The following ZNRF1 variants were observed in gnomAD, a reference collection of about 807,000 sequenced individuals.
ZNRF1 encodes the protein E3 ubiquitin-protein ligase ZNRF1.
A neutral mutation model predicts 18.4 loss-of-function variants in ZNRF1; 3 were observed. The observed-to-expected ratio is 0.16, with a 90% confidence interval of 0.07 to 0.42. The LOEUF (loss-of-function observed/expected upper bound fraction) is 0.42. Ranked by LOEUF, ZNRF1 falls within the 10% of genes least tolerant of loss-of-function variation. The pLI is 0.99. For synonymous variants in ZNRF1, 157 were observed against 144.2 expected (o/e 1.09, Z -0.64); for missense variants, 310 against 329.8 (o/e 0.94, Z 0.47).
intron 1 of ZNRF1, among the ~76,000 whole-genome samples, chr16:75,028,168 C>T (rs994047850): frequency 6.6e-6 from 1 of 152,216 alleles, no homozygotes; most frequent in Non-Finnish European, 1.5e-5. Context: ...TATTACCGCT[C>T]TAGTGGTACA....
intron 1 of ZNRF1, among the ~76,000 whole-genome samples, chr16:75,027,080 G>T (rs1481224098): frequency 2.6e-5 from 4 of 151,976 alleles, no homozygotes; most frequent in African/African-American, 9.7e-5. Context: ...CCAGCGGTTA[G>T]GGAACTCAGC....
chr16:75,106,314 C>T (rs996260249), intron 3 of ZNRF1, 168 bp from the exon 4 acceptor site: 19 of 656,056 alleles, frequency 2.9e-5, no homozygotes, highest in East Asian at 2.0e-4. Context: ...CACCCTTCTT[C>T]GTGCTTCAGA....
chr16:75,061,380 C>G (rs781389346), intron 1 of ZNRF1, among the ~76,000 whole-genome samples: 2 of 151,788 alleles, frequency 1.3e-5, no homozygotes, highest in Non-Finnish European at 2.9e-5. Context: ...GTTTTTAGAT[C>G]CCACCAATAA....
At chr16:75,007,710 G>A (rs1000302972) in intron 1 of ZNRF1, among the ~76,000 whole-genome samples, 1 of 152,154 alleles carries the variant, frequency 6.6e-6, no homozygotes, top group African/African-American at 2.4e-5. Context: ...GGAGACCCAA[G>A]AATCTAAGTT....
Position 75,030,441 on chromosome 16 carries a change from A to G in ZNRF1, c.424+30346A>G, listed in dbSNP as rs183223171. Among the ~76,000 whole-genome samples, 811 of 152,304 alleles carry G rather than the reference A, an allele frequency of 5.3e-3. 1 individual carries two copies. The highest frequency in any genetic ancestry group is 0.019 in the African/African-American group (773 of 41,574). On this transcript the variant is annotated intron_variant, in intron 1 of 4. Transcript: ENST00000335325. ...TCTGCAGTAGCTGGAGGAAAAAAAA[A>G]AGAGAGAAATATTTAAAGAAAAAGA...
intron 1 of ZNRF1, among the ~76,000 whole-genome samples, chr16:75,061,756 A>C (rs2035747407): frequency 6.6e-6 from 1 of 152,234 alleles, no homozygotes; most frequent in Admixed American, 6.5e-5. Flanking sequence ...TGATCCCTAC[A>C]CCACAGTATG....
chr16:75,044,499 T>C (rs1326666695), intron 1 of ZNRF1, among the ~76,000 whole-genome samples: 2 of 152,118 alleles, frequency 1.3e-5, no homozygotes, highest in African/African-American at 4.8e-5. Flanking sequence ...AGTGCTGGGA[T>C]TATAGGCATG....
intron 1 of ZNRF1, among the ~76,000 whole-genome samples, chr16:75,011,138 A>G (rs1426338014): frequency 6.6e-6 from 1 of 152,174 alleles, no homozygotes; most frequent in Non-Finnish European, 1.5e-5. Flanking sequence ...TCCATCTTAA[A>G]TAACCTTTTC....
At chr16:75,087,901 C>T (rs1319988967) in intron 1 of ZNRF1, among the ~76,000 whole-genome samples, 1 of 152,236 alleles carries the variant, frequency 6.6e-6, no homozygotes, top group African/African-American at 2.4e-5. Flanking sequence ...TGGCTACTCC[C>T]CTGGCCTCCA....
At chr16:75,029,985 C>T (rs1369292433) in intron 1 of ZNRF1, among the ~76,000 whole-genome samples, 1 of 150,834 alleles carries the variant, frequency 6.6e-6, no homozygotes, top group African/African-American at 2.4e-5. Context: ...ATTGCTTGAA[C>T]CCAGGAGGCA....
At chr16:75,040,204 A>G (rs1368064972) in intron 1 of ZNRF1, among the ~76,000 whole-genome samples, 2 of 151,850 alleles carry the variant, frequency 1.3e-5, no homozygotes, top group Non-Finnish European at 2.9e-5. Context: ...ACCACCACGC[A>G]TGGCTTAAAA....
chr16:75,060,285 G>T (rs1171768661), intron 1 of ZNRF1, among the ~76,000 whole-genome samples: 1 of 151,928 alleles, frequency 6.6e-6, no homozygotes, highest in Non-Finnish European at 1.5e-5. Context: ...AACTCCTGAC[G>T]TTGTGATCCG....
At chr16:75,087,458 G>A (rs986975360) in intron 1 of ZNRF1, among the ~76,000 whole-genome samples, 1 of 152,212 alleles carries the variant, frequency 6.6e-6, no homozygotes, top group Non-Finnish European at 1.5e-5. Context: ...GCTGGACTCT[G>A]GCTGATCCAA....
At position 75,019,530 on chromosome 16, in the gene ZNRF1, C is replaced by T. The variant is rs930345639; in HGVS notation, c.424+19435C>T. 2.4e-4 allele frequency among the ~76,000 whole-genome samples: 36 copies of T among 152,102 alleles called. No homozygotes were observed. The Middle Eastern group carries it at 0.01, about 43-fold the overall frequency. ...CTTAATTTGTGGCATACTACACAGTCAGTTTTCATAAATATTTCATTTGTA... is the reference window on the plus strand; with the variant it reads ...CTTAATTTGTGGCATACTACACAGTTAGTTTTCATAAATATTTCATTTGTA... On this transcript the variant is annotated intron_variant, in intron 1 of 4. Coordinates refer to ENST00000335325, the MANE Select transcript of ZNRF1 (RefSeq NM_032268.5).
chr16:75,041,837 A>C (rs1037338778), intron 1 of ZNRF1, among the ~76,000 whole-genome samples: 1 of 150,954 alleles, frequency 6.6e-6, no homozygotes, highest in African/African-American at 2.4e-5. Flanking sequence ...AAAAATATAT[A>C]TATATAAAAT....
chr16:75,101,511 A>G (rs541108401), intron 2 of ZNRF1, among the ~76,000 whole-genome samples: 58 of 152,008 alleles, frequency 3.8e-4, no homozygotes, highest in Non-Finnish European at 7.5e-4. Context: ...ATGCCACTGC[A>G]CTCCATCCTG....
rs142243773 is a variant in ZNRF1 at position 75,078,385 on chromosome 16, G to T, written c.425-15187G>T. Reference sequence around the variant, plus strand: ...GCAATCTCTGCTTACTGCAACCTCCGCCCCCCAGGTTCAAGTGATTCTCCT... The same window carrying T: ...GCAATCTCTGCTTACTGCAACCTCCTCCCCCCAGGTTCAAGTGATTCTCCT... On this transcript the variant is annotated intron_variant, in intron 1 of 4. Transcript: ENST00000335325. Among the ~76,000 whole-genome samples the T allele has an allele frequency of 3.0e-5, 4 of 132,848 alleles. No homozygotes were observed. In the East Asian group the frequency reaches 9.9e-4, roughly 33 times the overall value. 87.2% of individuals were successfully genotyped at this position (132,848 alleles called of 152,430 possible).
chr16:75,057,968 C>T (rs1302884233), intron 1 of ZNRF1, among the ~76,000 whole-genome samples: 2 of 152,108 alleles, frequency 1.3e-5, no homozygotes, highest in Non-Finnish European at 2.9e-5. Flanking sequence ...ACATGGTGGG[C>T]TGTGTGTGGA....
intron 1 of ZNRF1, among the ~76,000 whole-genome samples, chr16:75,031,802 A>G (rs926827216): frequency 6.6e-6 from 1 of 152,092 alleles, no homozygotes; most frequent in Non-Finnish European, 1.5e-5. Context: ...ACACCCGGCT[A>G]TATATACCTA....
Sources: gnomAD v4.1 joint callset for allele counts (sites outside exome capture counted in the v4.1 genomes callset) on GRCh38, gnomAD v4.1.1 for gene constraint, MANE v1.5 for transcripts, NCBI Gene and HGNC (gene_info 2026-07-23, HGNC 2026-07-21) for gene names.